The following NBAS variants were observed in gnomAD, a reference collection of about 807,000 sequenced individuals.
The protein encoded by NBAS is NAG/BC035112 fusion.
Under a neutral mutation model 302.5 loss-of-function variants are expected in NBAS, and 219 were observed. The ratio of observed to expected loss-of-function variants is 0.72; its 90% CI spans 0.65 to 0.81. The LOEUF (loss-of-function observed/expected upper bound fraction) is 0.81, where lower values mean the gene tolerates loss of function less well. NBAS is among the 30% of genes least tolerant of loss of function. NBAS has a pLI of 0.00. For synonymous variants in NBAS, 1,118 were observed against 1,021.6 expected, an observed-to-expected ratio of 1.09 and a Z score of -1.80; for missense variants, 2,932 against 2,841.6, an observed-to-expected ratio of 1.03 and a Z score of -0.72.
intron 9 of NBAS, among the ~76,000 whole-genome samples, chr2:15,516,591 C>G (rs981893371): frequency 6.6e-6 from 1 of 151,968 alleles, no homozygotes; most frequent in Admixed American, 6.6e-5. Flanking sequence ...GGTGTGGTGG[C>G]GTGCACCTGT....
At chr2:15,414,617 A>G (rs1057206054) in intron 25 of NBAS, among the ~76,000 whole-genome samples, 1 of 152,226 alleles carries the variant, frequency 6.6e-6, no homozygotes, top group Non-Finnish European at 1.5e-5. Context: ...TACATATAGT[A>G]ATTGTAAGCA....
chr2:14,994,733 T>C, the NBAS span, among the ~76,000 whole-genome samples: 2 of 152,218 alleles, frequency 1.3e-5, no homozygotes, highest in Non-Finnish European at 2.9e-5. Flanking sequence ...ACCCGTTACC[T>C]GTCCCACATG....
chr2:15,427,675 AAG>A, intron 22 of NBAS, 34 bp downstream of exon 22: 1 of 1,545,492 alleles, frequency 6.5e-7, no homozygotes, highest in Non-Finnish European at 8.9e-7. Context: ...CCATCCCACA[AAG>A]AAACAAAGAT....
the NBAS span, among the ~76,000 whole-genome samples, chr2:14,876,780 G>A: frequency 6.6e-6 from 1 of 152,178 alleles, no homozygotes; most frequent in Non-Finnish European, 1.5e-5. Flanking sequence ...TTCTTTTACA[G>A]ACTAACACAC....
intron 35 of NBAS, among the ~76,000 whole-genome samples, chr2:15,350,067 C>A (rs182010125): frequency 6.6e-6 from 1 of 151,926 alleles, no homozygotes; most frequent in Non-Finnish European, 1.5e-5. Flanking sequence ...GGAATACACA[C>A]GCATATTAGA....
chr2:15,357,825 T>C (rs1019434934), intron 32 of NBAS, among the ~76,000 whole-genome samples: 3 of 152,170 alleles, frequency 2.0e-5, no homozygotes, highest in African/African-American at 7.2e-5. Context: ...CCTTCAAGCA[T>C]TTTTTCTTTT....
Position 15,529,357 on chromosome 2 carries a change from G to A in NBAS, c.746+5186C>T, listed in dbSNP as rs145191767. On this transcript the variant is annotated intron_variant, in intron 9 of 51. Coordinates refer to ENST00000281513, the MANE Select transcript of NBAS (RefSeq NM_015909.4). ...TCTCCAAAATCAACAGCCAAGTGTG[G>A]TGGTGTGCACCTGTAGTCCCAGCTA... Among the ~76,000 whole-genome samples the A allele has an allele frequency of 2.0e-4, 30 of 152,136 alleles. 1 individual carries two copies. In the East Asian group the frequency reaches 5.8e-3, roughly 29 times the overall value.
At chr2:15,218,248 G>A (rs1459852715) in intron 48 of NBAS, among the ~76,000 whole-genome samples, 1 of 152,096 alleles carries the variant, frequency 6.6e-6, no homozygotes, top group Non-Finnish European at 1.5e-5. Flanking sequence ...CGTGTTTTGT[G>A]TATAATCTAC....
the NBAS span, among the ~76,000 whole-genome samples, chr2:14,968,721 T>C: frequency 5.9e-5 from 9 of 152,306 alleles, no homozygotes; most frequent in African/African-American, 2.2e-4. Context: ...TGAGGAGAAA[T>C]TGGAACTCTC....
At chr2:15,158,023 G>A in the NBAS span, among the ~76,000 whole-genome samples, 292 of 152,312 alleles carry the variant, frequency 1.9e-3, 3 homozygotes, top group Middle Eastern at 6.8e-3. Flanking sequence ...TGGGGACAGT[G>A]CCCAAGGGAA....
At chr2:15,306,393 T>C (rs961298476) in intron 40 of NBAS, among the ~76,000 whole-genome samples, 1 of 152,164 alleles carries the variant, frequency 6.6e-6, no homozygotes, top group African/African-American at 2.4e-5. Context: ...GAGAATAAAA[T>C]ATGCCCAAAA....
chr2:15,122,992 C>A, the NBAS span, among the ~76,000 whole-genome samples: 2 of 152,174 alleles, frequency 1.3e-5, no homozygotes, highest in African/African-American at 4.8e-5. Flanking sequence ...AGGATGTATT[C>A]TGGATGCTTA....
the NBAS span, among the ~76,000 whole-genome samples, chr2:14,995,362 T>A: frequency 6.6e-6 from 1 of 152,164 alleles, no homozygotes; most frequent in Non-Finnish European, 1.5e-5. Flanking sequence ...GTTCATGTCT[T>A]TTGCAGGGAC....
At chr2:15,183,101 AT>A in intron 50 of NBAS, among the ~76,000 whole-genome samples, 1 of 152,214 alleles carries the variant, frequency 6.6e-6, no homozygotes, top group Non-Finnish European at 1.5e-5. Context: ...GATATAAAAC[AT>A]TGTAGAACTC....
At chr2:15,229,347 C>CA (rs61152926) in intron 47 of NBAS, among the ~76,000 whole-genome samples, 1,408 of 76,776 alleles carry the variant, frequency 0.018, 23 homozygotes, top group African/African-American at 0.023. Flanking sequence ...TCTCAAAAAA[C>CA]AAAAAAAAAA....
At position 15,235,788 on chromosome 2, in the gene NBAS, G is replaced by C. The variant is rs368872264; in HGVS notation, c.5944-1041C>G. The stretch of plus-strand genomic sequence containing the variant: ...CACGTTCTGACAGTTGTTGAAGCTG[G>C]GAGTTGGGCACATGAAGTTTCATTT... On this transcript the variant is annotated intron_variant, in intron 45 of 51. Coordinates refer to ENST00000281513, the MANE Select transcript of NBAS (RefSeq NM_015909.4). Among the ~76,000 whole-genome samples, 7 of 152,246 alleles carry C rather than the reference G, an allele frequency of 4.6e-5. No homozygotes were observed. In the East Asian group the frequency reaches 1.2e-3, roughly 25 times the overall value.
chr2:15,379,859 T>C, intron 29 of NBAS, 28 bp from the exon 30 acceptor site: 1 of 1,592,538 alleles, frequency 6.3e-7, no homozygotes, highest in Non-Finnish European at 8.6e-7. Flanking sequence ...CTGGAATTAG[T>C]TATAGAGAGG....
the NBAS span, among the ~76,000 whole-genome samples, chr2:14,849,959 C>T: frequency 0.35 from 47,578 of 136,380 alleles, 11,003 homozygotes; most frequent in East Asian, 0.39. Flanking sequence ...ACAACTGGTA[C>T]GAGCCGCTGC....
At chr2:15,362,849 A>C (rs1471300610) in intron 32 of NBAS, among the ~76,000 whole-genome samples, 1 of 152,154 alleles carries the variant, frequency 6.6e-6, no homozygotes, top group African/African-American at 2.4e-5. Context: ...TTACGTAAAG[A>C]AGTTTATCCT....
Sources: allele counts gnomAD v4.1 joint callset (sites outside exome capture counted in the v4.1 genomes callset), GRCh38; gene constraint gnomAD v4.1.1; transcripts MANE v1.5; gene names NCBI Gene and HGNC (gene_info 2026-07-23, HGNC 2026-07-21).